Variants in LINGO2 observed in about 807,000 individuals in gnomAD.
The protein encoded by LINGO2 is leucine-rich repeat and immunoglobulin-like domain-containing nogo receptor-interacting protein 2.
LINGO2 carries 14 observed loss-of-function variants against 30.6 expected under a neutral mutation model. The ratio of observed to expected loss-of-function variants is 0.46; its 90% CI spans 0.30 to 0.72. LINGO2 has a LOEUF of 0.72. Ranked by LOEUF, LINGO2 falls within the 30% of genes least tolerant of loss-of-function variation. The pLI is 0.07. For missense variants in LINGO2, 729 were observed against 751.7 expected (o/e 0.97, Z 0.35); for synonymous variants, 317 against 288.5 (o/e 1.10, Z -1.00).
intron 4 of LINGO2, among the ~76,000 whole-genome samples, chr9:28,057,564 T>C (rs369710162): frequency 0.043 from 969 of 22,598 alleles, 12 homozygotes; most frequent in African/African-American, 0.081. Flanking sequence ...TATATATATA[T>C]ACATATATAT....
chr9:28,067,838 T>C (rs1013794256), intron 4 of LINGO2, among the ~76,000 whole-genome samples: 1 of 152,208 alleles, frequency 6.6e-6, no homozygotes, highest in African/African-American at 2.4e-5. Flanking sequence ...TGCTACGATG[T>C]AGATACGTTG....
At chr9:28,288,370 A>G (rs1045753870) in intron 4 of LINGO2, among the ~76,000 whole-genome samples, 4 of 152,102 alleles carry the variant, frequency 2.6e-5, no homozygotes, top group Non-Finnish European at 5.9e-5. Flanking sequence ...AACCCACTCC[A>G]TTTGATTGAA....
chr9:28,301,829 A>C (rs1312172053), intron 3 of LINGO2, among the ~76,000 whole-genome samples: 9 of 152,288 alleles, frequency 5.9e-5, no homozygotes, highest in South Asian at 2.1e-4. Context: ...AGCTAGAAAG[A>C]AAAGGCAGGT....
the LINGO2 span, among the ~76,000 whole-genome samples, chr9:28,719,672 A>G: frequency 2.0e-5 from 3 of 151,812 alleles, no homozygotes; most frequent in South Asian, 4.1e-4. Flanking sequence ...TCTTCTCATT[A>G]TACACTTCCT....
the LINGO2 span, among the ~76,000 whole-genome samples, chr9:29,170,440 C>T: frequency 6.6e-6 from 1 of 151,860 alleles, no homozygotes; most frequent in South Asian, 2.1e-4. Flanking sequence ...ACATAGGAGA[C>T]TATAAAAGGT....
chr9:28,022,032 T>G (rs1161181820), intron 4 of LINGO2, among the ~76,000 whole-genome samples: 1 of 152,086 alleles, frequency 6.6e-6, no homozygotes, highest in African/African-American at 2.4e-5. Flanking sequence ...TTTGTTACAT[T>G]TGTTCTTGGT....
At chr9:28,151,435 T>A (rs1476199616) in intron 4 of LINGO2, among the ~76,000 whole-genome samples, 1 of 151,874 alleles carries the variant, frequency 6.6e-6, no homozygotes, top group African/African-American at 2.4e-5. Context: ...TATATACACA[T>A]ATCAAAAGAT....
chr9:28,166,695 G>C (rs992720437), intron 4 of LINGO2, among the ~76,000 whole-genome samples: 2 of 151,552 alleles, frequency 1.3e-5, no homozygotes, highest in African/African-American at 4.9e-5. Context: ...ACATGTATTG[G>C]GGCTTTCTTT....
At chr9:28,883,626 GTGTATATATA>G in the LINGO2 span, among the ~76,000 whole-genome samples, 1 of 25,638 alleles carries the variant, frequency 3.9e-5, no homozygotes, top group African/African-American at 9.6e-5. Flanking sequence ...ATATGTGTGT[GTGTATATATA>G]TATATATATA....
At chr9:28,915,750 A>G in the LINGO2 span, among the ~76,000 whole-genome samples, 1 of 152,190 alleles carries the variant, frequency 6.6e-6, no homozygotes, top group South Asian at 2.1e-4. Flanking sequence ...AAGGTATACT[A>G]GAGACCAGAT....
chr9:28,768,034 C>T, the LINGO2 span, among the ~76,000 whole-genome samples: 11 of 152,086 alleles, frequency 7.2e-5, no homozygotes, highest in South Asian at 4.2e-4. Flanking sequence ...ATTGGAGGTG[C>T]GAAATAGTGG....
chr9:28,038,761 C>G (rs995488875), intron 4 of LINGO2, among the ~76,000 whole-genome samples: 1 of 151,300 alleles, frequency 6.6e-6, no homozygotes, highest in African/African-American at 2.4e-5. Flanking sequence ...GTGTTGAAAT[C>G]AAACACTCCA....
the LINGO2 span, among the ~76,000 whole-genome samples, chr9:29,153,716 C>A: frequency 1.3e-4 from 20 of 152,220 alleles, 1 homozygote; most frequent in South Asian, 4.1e-4. Flanking sequence ...AATCTTGAAA[C>A]TGAGGAAATA....
chr9:28,295,593 T>C (rs1474067643), intron 3 of LINGO2, among the ~76,000 whole-genome samples: 1 of 152,196 alleles, frequency 6.6e-6, no homozygotes, highest in Non-Finnish European at 1.5e-5. Flanking sequence ...GTTATTGATC[T>C]ACTCAAGCCA....
intron 1 of LINGO2, among the ~76,000 whole-genome samples, chr9:28,521,056 C>A (rs1285075622): frequency 6.6e-6 from 1 of 152,090 alleles, no homozygotes; most frequent in African/African-American, 2.4e-5. Flanking sequence ...ATTTTGTCTT[C>A]CCCTTTGAGA....
the LINGO2 span, among the ~76,000 whole-genome samples, chr9:28,765,126 C>A: frequency 6.6e-6 from 1 of 151,620 alleles, no homozygotes; most frequent in African/African-American, 2.4e-5. Context: ...GTATTTTATA[C>A]AGAAATTATA....
At chr9:28,470,893 G>T (rs922625486) in intron 2 of LINGO2, among the ~76,000 whole-genome samples, 18 of 147,512 alleles carry the variant, frequency 1.2e-4, no homozygotes, top group Non-Finnish European at 1.5e-5. Flanking sequence ...ATATAATATA[G>T]TACATATATG....
chr9:28,239,015 A>C (rs1055952318), intron 4 of LINGO2, among the ~76,000 whole-genome samples: 21 of 152,078 alleles, frequency 1.4e-4, no homozygotes, highest in African/African-American at 5.1e-4. Flanking sequence ...ATGATCAACT[A>C]AATACCAATA....
chr9:28,904,541 T>C, the LINGO2 span, among the ~76,000 whole-genome samples: 1,186 of 152,078 alleles, frequency 7.8e-3, 14 homozygotes, highest in South Asian at 0.058. Flanking sequence ...TGAAAATCTG[T>C]ACTGTTTTTA....
Sources: gnomAD v4.1 joint callset for allele counts (sites outside exome capture counted in the v4.1 genomes callset) on GRCh38, gnomAD v4.1.1 for gene constraint, MANE v1.5 for transcripts, NCBI Gene and HGNC (gene_info 2026-07-23, HGNC 2026-07-21) for gene names.